The following BCAS3 variants were observed in gnomAD, a reference collection of about 807,000 sequenced individuals.
BCAS3 encodes the protein BCAS3 microtubule associated cell migration factor.
BCAS3 carries 53 observed loss-of-function variants against 116.1 expected under a neutral mutation model. The ratio of observed to expected loss-of-function variants is 0.46; its 90% CI spans 0.37 to 0.57. The LOEUF is 0.57. Ranked by LOEUF, BCAS3 falls within the 20% of genes least tolerant of loss-of-function variation. BCAS3 has a pLI of 0.00. For missense variants in BCAS3, 917 were observed against 1,165.4 expected (o/e 0.79, Z 3.10); for synonymous variants, 391 against 408.2 (o/e 0.96, Z 0.51).
intron 19 of BCAS3, among the ~76,000 whole-genome samples, chr17:61,064,810 G>T (rs1312220960): frequency 6.6e-6 from 1 of 152,074 alleles, no homozygotes; most frequent in African/African-American, 2.4e-5. Flanking sequence ...GGTACTACAG[G>T]GTCAGGGCAC....
intron 2 of BCAS3, among the ~76,000 whole-genome samples, chr17:60,681,760 G>A (rs1023970830): frequency 2.1e-5 from 3 of 144,774 alleles, no homozygotes; most frequent in South Asian, 2.2e-4. Flanking sequence ...ACGGAGTTTC[G>A]CTCTTTTTGC....
chr17:61,273,528 G>A (rs1470283046), intron 22 of BCAS3, among the ~76,000 whole-genome samples: 3 of 152,172 alleles, frequency 2.0e-5, no homozygotes, highest in African/African-American at 7.2e-5. Context: ...TGATGATGAT[G>A]TGCTCTGGAT....
At chr17:60,947,136 T>A in intron 13 of BCAS3, 83 bp from the exon 14 acceptor site, 1 of 1,374,220 alleles carries the variant, frequency 7.3e-7, no homozygotes, top group Non-Finnish European at 9.9e-7. Flanking sequence ...GGTAATATTT[T>A]AAATATTGTG....
intron 5 of BCAS3, among the ~76,000 whole-genome samples, chr17:60,729,228 T>G (rs2040216124): frequency 6.6e-6 from 1 of 152,242 alleles, no homozygotes; most frequent in African/African-American, 2.4e-5. Context: ...ATCTGTTTAG[T>G]TATTTTCTTT....
rs1396185172 is a variant in BCAS3 at position 61,261,098 on chromosome 17, G to A, written c.2426-107229G>A. Among the ~76,000 whole-genome samples, 1 of 152,152 alleles carries A rather than the reference G, an allele frequency of 6.6e-6. No homozygotes were observed. Among genetic ancestry groups the A allele is most frequent in the Non-Finnish European group, 1.5e-5 (1 of 68,032 alleles). On this transcript the variant is annotated intron_variant, in intron 22 of 23. Transcript: ENST00000407086. The surrounding 1 kb of genome is among the most constrained non-coding windows in gnomAD (Gnocchi z 4.4). ...TTATCTAATTTGACACATTTTGCCT[G>A]GAAGTCATAGAAGAAGACTGAGGTG...
At chr17:60,957,621 T>G (rs771730408) in intron 14 of BCAS3, among the ~76,000 whole-genome samples, 17 of 152,318 alleles carry the variant, frequency 1.1e-4, no homozygotes, top group Admixed American at 2.0e-4. Flanking sequence ...CACTAGTATC[T>G]AATTTCAGGA....
rs200662561 is a variant in BCAS3, at chr17:61,092,304, A to AT, written c.2425+7747dup. 2.0e-3 allele frequency among the ~76,000 whole-genome samples: 302 copies of AT among 152,094 alleles called. 1 individual carries two copies. Among genetic ancestry groups the AT allele is most frequent in the African/African-American group, 6.9e-3 (287 of 41,478 alleles). The stretch of plus-strand genomic sequence containing the variant: ...TATTAGGAATAAAGCTGCTATAAAC[A>AT]TTTTTTTATAAGTCTGTCTGTCTGT... On this transcript the variant is annotated intron_variant, in intron 22 of 23. Transcript: ENST00000407086.
At position 61,008,710 on chromosome 17, in the gene BCAS3, T is replaced by TA. The variant is rs903457128; in HGVS notation, c.1487-7032dup. On this transcript the variant is annotated intron_variant, in intron 15 of 23. Transcript: ENST00000407086. This position sits in a 1 kb window ranked among gnomAD's most constrained non-coding sequence, Gnocchi z 4.6. ...TACCAAAAAATAAAAAATAAAAAAA[T>TA]AAAAAAAAAGGCCCCGTAGAACTCA... Among the ~76,000 whole-genome samples the TA allele has an allele frequency of 1.0e-4, 15 of 149,932 alleles. No individual in the cohort carries two copies. The highest frequency in any genetic ancestry group is 3.9e-4 in the East Asian group (2 of 5,104).
intron 4 of BCAS3, among the ~76,000 whole-genome samples, chr17:60,706,132 G>A (rs1313536586): frequency 6.6e-6 from 1 of 151,342 alleles, no homozygotes; most frequent in Non-Finnish European, 1.5e-5. Flanking sequence ...GTGTGATCTC[G>A]GCTCACTGTA....
intron 22 of BCAS3, among the ~76,000 whole-genome samples, chr17:61,242,339 AG>A (rs2047598841): frequency 6.6e-6 from 1 of 152,178 alleles, no homozygotes; most frequent in East Asian, 1.9e-4. Context: ...TCTGACCTAA[AG>A]GAGACCTTGA....
rs766527846 is a variant in BCAS3, at chr17:60,944,747, A to G, written c.1088-2472A>G. Among the ~76,000 whole-genome samples the G allele has an allele frequency of 1.4e-4, 22 of 152,314 alleles. No individual in the cohort carries two copies. In the East Asian group the frequency reaches 4.2e-3, roughly 29 times the overall value. Reference sequence around the variant, plus strand: ...CAATCAGTTATTGTTAGAATTCGCTATATTAATAGATTTAAAAAGAGAAGC... The same window carrying G: ...CAATCAGTTATTGTTAGAATTCGCTGTATTAATAGATTTAAAAAGAGAAGC... On this transcript the variant is annotated intron_variant, in intron 13 of 23. Coordinates refer to ENST00000407086, the MANE Select transcript of BCAS3 (RefSeq NM_017679.5).
At chr17:61,168,968 GATAA>G (rs1409186079) in intron 22 of BCAS3, among the ~76,000 whole-genome samples, 1 of 152,250 alleles carries the variant, frequency 6.6e-6, no homozygotes, top group South Asian at 2.1e-4. Context: ...TATAAGTGTG[GATAA>G]ATACTCTCAC....
In BCAS3 at chr17:61,364,641, G is replaced by A. The variant is rs1449982385; in HGVS notation, c.2426-3686G>A. On this transcript the variant is annotated intron_variant, in intron 22 of 23. Coordinates refer to ENST00000407086, the MANE Select transcript of BCAS3 (RefSeq NM_017679.5). This position sits in a 1 kb window ranked among gnomAD's most constrained non-coding sequence, Gnocchi z 5.4. The stretch of plus-strand genomic sequence containing the variant: ...AAGGATCTCTTCAGCCCAGGAGGCT[G>A]TGGCTGCAGTGAGCCGTGATTGCAC... Among the ~76,000 whole-genome samples the A allele has an allele frequency of 2.6e-5, 4 of 152,214 alleles. No homozygotes were observed. The highest frequency in any genetic ancestry group is 2.6e-4 in the Admixed American group (4 of 15,280).
At chr17:60,745,919 A>C (rs2041977278) in intron 5 of BCAS3, among the ~76,000 whole-genome samples, 1 of 152,260 alleles carries the variant, frequency 6.6e-6, no homozygotes, top group African/African-American at 2.4e-5. Context: ...AAATTCAGAT[A>C]GAAGCTGAAA....
intron 15 of BCAS3, among the ~76,000 whole-genome samples, chr17:61,009,502 C>G (rs2064961661): frequency 6.6e-6 from 1 of 152,000 alleles, no homozygotes; most frequent in Non-Finnish European, 1.5e-5. Flanking sequence ...AAGGTACTTT[C>G]TGATCTACAA....
intron 22 of BCAS3, among the ~76,000 whole-genome samples, chr17:61,274,139 G>A (rs1388335157): frequency 1.3e-5 from 2 of 150,976 alleles, no homozygotes; most frequent in Non-Finnish European, 2.9e-5. Flanking sequence ...TCCCCGGTGT[G>A]TGATGTTCCC....
Position 60,726,967 on chromosome 17 carries a change from C to T in BCAS3, c.321+17642C>T, listed in dbSNP as rs189597703. 2.0e-5 allele frequency among the ~76,000 whole-genome samples: 3 copies of T among 152,012 alleles called. No individual in the cohort carries two copies. The East Asian group carries it at 5.8e-4, about 29-fold the overall frequency. On this transcript the variant is annotated intron_variant, in intron 5 of 23. Transcript: ENST00000407086. Reference sequence around the variant, plus strand: ...GTCAATTTTACTAGTTAGTGTTAGTCTTATTTTACACTTGAAAAAATTAAG... The same window carrying T: ...GTCAATTTTACTAGTTAGTGTTAGTTTTATTTTACACTTGAAAAAATTAAG...
chr17:61,022,801 G>A lies in BCAS3; in HGVS notation c.1637+6900G>A, dbSNP rs183099760. Reference sequence around the variant, plus strand: ...ACTACAGGCCTATATCACCGCACCCGGCTGATTTTTAAAATGTTGTGAAGA... The same window carrying A: ...ACTACAGGCCTATATCACCGCACCCAGCTGATTTTTAAAATGTTGTGAAGA... On this transcript the variant is annotated intron_variant, in intron 16 of 23. Transcript: ENST00000407086. Among the ~76,000 whole-genome samples, 351 of 151,972 alleles carry A rather than the reference G, an allele frequency of 2.3e-3. 2 individuals carry two copies. In the Middle Eastern group the frequency reaches 0.024, roughly 10 times the overall value.
intron 13 of BCAS3, among the ~76,000 whole-genome samples, chr17:60,934,791 G>A (rs2059832221): frequency 6.6e-6 from 1 of 152,118 alleles, no homozygotes; most frequent in Non-Finnish European, 1.5e-5. Context: ...TATATAGTAA[G>A]GTGGGTACCT....
Sources: gnomAD v4.1 joint callset for allele counts (sites outside exome capture counted in the v4.1 genomes callset) on GRCh38, gnomAD v4.1.1 for gene constraint, Gnocchi (gnomAD v3.1) non-coding constraint, MANE v1.5 for transcripts, NCBI Gene and HGNC (gene_info 2026-07-23, HGNC 2026-07-21) for gene names.